The following VEGFC variants were observed in gnomAD, a reference collection of about 807,000 sequenced individuals.
The protein encoded by VEGFC is FLT4 ligand DHM.
VEGFC carries 12 observed loss-of-function variants against 46.1 expected under a neutral mutation model. The observed-to-expected ratio is 0.26, with a 90% CI of 0.17 to 0.42. The LOEUF is 0.42. Ranked by LOEUF, VEGFC falls within the 10% of genes least tolerant of loss-of-function variation. VEGFC has a pLI of 1.00. For missense variants in VEGFC, 488 were observed against 529.4 expected (o/e 0.92, Z 0.77); for synonymous variants, 232 against 195.5 (o/e 1.19, Z -1.56).
chr4:176,758,701 C>G (rs1735476692), intron 1 of VEGFC, among the ~76,000 whole-genome samples: 1 of 152,082 alleles, frequency 6.6e-6, no homozygotes, highest in South Asian at 2.1e-4. Flanking sequence ...AGTTTGTGTC[C>G]TGTATGCAAA....
At chr4:176,712,870 T>C (rs1734640806) in intron 3 of VEGFC, among the ~76,000 whole-genome samples, 1 of 152,242 alleles carries the variant, frequency 6.6e-6, no homozygotes, top group Non-Finnish European at 1.5e-5. Flanking sequence ...ATTTAAAATG[T>C]AACTACTTTC....
intron 1 of VEGFC, among the ~76,000 whole-genome samples, chr4:176,765,016 T>G (rs1409158247): frequency 6.6e-6 from 1 of 152,046 alleles, no homozygotes; most frequent in Admixed American, 6.6e-5. Flanking sequence ...AAGACCACCT[T>G]CAGCAACATA....
chr4:176,737,286 T>TATAA (rs3063169), intron 1 of VEGFC, among the ~76,000 whole-genome samples: 117,725 of 146,038 alleles, frequency 0.81, 49,682 homozygotes, highest in East Asian at 0.99. Flanking sequence ...GTTTATAATA[T>TATAA]ATATAGAATA....
intron 1 of VEGFC, among the ~76,000 whole-genome samples, chr4:176,766,686 G>C (rs962687624): frequency 3.9e-5 from 6 of 151,932 alleles, no homozygotes; most frequent in African/African-American, 4.8e-5. Context: ...TCGTAAAACA[G>C]AGTCCAGAAA....
intron 1 of VEGFC, among the ~76,000 whole-genome samples, chr4:176,771,715 T>C (rs1430927503): frequency 6.6e-6 from 1 of 152,196 alleles, no homozygotes; most frequent in East Asian, 1.9e-4. Context: ...GAGGAACCAC[T>C]GTTTTTCCTC....
chr4:176,777,558 T>C (rs1329299172), intron 1 of VEGFC, among the ~76,000 whole-genome samples: 1 of 152,162 alleles, frequency 6.6e-6, no homozygotes, highest in East Asian at 1.9e-4. Flanking sequence ...AAATACTGGC[T>C]TATAGGCAAT....
intron 1 of VEGFC, among the ~76,000 whole-genome samples, chr4:176,784,530 G>A (rs555744804): frequency 2.6e-5 from 4 of 151,766 alleles, no homozygotes; most frequent in South Asian, 2.1e-4. Context: ...GGCAGATCAC[G>A]AGGTCAGGAG....
In VEGFC at chr4:176,731,980, T is replaced by TA. The variant is rs1162682465; in HGVS notation, c.148-2235dup. ...ATTCACAATAGAGAAAATGCAATAT[T>TA]AAAAAATGAAAAAAGTAGAAAAGCT... is the stretch of plus-strand genomic sequence containing the variant. On this transcript the variant is annotated intron_variant, in intron 1 of 6. Coordinates refer to ENST00000618562, the MANE Select transcript of VEGFC (RefSeq NM_005429.5). Among the ~76,000 whole-genome samples the TA allele has an allele frequency of 3.3e-5, 5 of 151,732 alleles. No homozygotes were observed. The East Asian group carries it at 9.7e-4, about 29-fold the overall frequency.
chr4:176,699,488 A>G (rs1734386605), intron 4 of VEGFC, among the ~76,000 whole-genome samples: 1 of 152,244 alleles, frequency 6.6e-6, no homozygotes, highest in Non-Finnish European at 1.5e-5. Context: ...TATGAAGAAC[A>G]TAGATACAGA....
At chr4:176,748,491 C>T (rs552754586) in intron 1 of VEGFC, among the ~76,000 whole-genome samples, 3 of 149,970 alleles carry the variant, frequency 2.0e-5, no homozygotes, top group South Asian at 2.1e-4. Context: ...TCAAGTAGTA[C>T]GTATACAGCA....
At chr4:176,744,774 A>C (rs1161219015) in intron 1 of VEGFC, among the ~76,000 whole-genome samples, 2 of 152,086 alleles carry the variant, frequency 1.3e-5, no homozygotes, top group Non-Finnish European at 2.9e-5. Context: ...TAAATGAAGA[A>C]GCTGAGGCTT....
At chr4:176,771,433 CAT>C (rs796768430) in intron 1 of VEGFC, among the ~76,000 whole-genome samples, 7 of 152,160 alleles carry the variant, frequency 4.6e-5, no homozygotes, top group African/African-American at 1.7e-4. Context: ...TTGTTTAACA[CAT>C]ATATGATTAT....
rs1196253138 is a variant in VEGFC at position 176,740,098 on chromosome 4, AC to A, written c.148-10353del. ...ATATTATATATTCTATATATTCTAT[AC>A]ATATATTCTATATATATATTCTATA... On this transcript the variant is annotated intron_variant, in intron 1 of 6. Coordinates refer to ENST00000618562, the MANE Select transcript of VEGFC (RefSeq NM_005429.5). 2.9e-3 allele frequency among the ~76,000 whole-genome samples: 39 copies of A among 13,272 alleles called. 3 individuals carry two copies. The highest frequency in any genetic ancestry group is 3.4e-3 in the African/African-American group (39 of 11,566). 8.7% of individuals were successfully genotyped at this position (13,272 alleles called of 152,430 possible).
intron 3 of VEGFC, among the ~76,000 whole-genome samples, chr4:176,716,168 T>C (rs1057156482): frequency 6.6e-6 from 1 of 152,180 alleles, no homozygotes; most frequent in African/African-American, 2.4e-5. Flanking sequence ...TTAAAATCTT[T>C]CCTTGTTTAG....
At chr4:176,701,321 G>A (rs760456334) in intron 4 of VEGFC, among the ~76,000 whole-genome samples, 6 of 152,254 alleles carry the variant, frequency 3.9e-5, no homozygotes, top group Non-Finnish European at 8.8e-5. Context: ...AACAAAAATT[G>A]TCCATGTGTT....
chr4:176,704,653 C>T (rs1734494633), intron 4 of VEGFC, among the ~76,000 whole-genome samples: 2 of 152,120 alleles, frequency 1.3e-5, no homozygotes, highest in Admixed American at 6.6e-5. Flanking sequence ...TTTCCACCTC[C>T]CGTTTTGCTT....
intron 4 of VEGFC, among the ~76,000 whole-genome samples, chr4:176,703,731 A>G (rs1431397692): frequency 1.3e-5 from 2 of 152,154 alleles, no homozygotes; most frequent in African/African-American, 4.8e-5. Context: ...AATATCACAT[A>G]TACCCCATAA....
At chr4:176,685,572 A>AGAT (rs1734025148) in intron 6 of VEGFC, among the ~76,000 whole-genome samples, 1 of 152,070 alleles carries the variant, frequency 6.6e-6, no homozygotes, top group Non-Finnish European at 1.5e-5. Flanking sequence ...TTCTGTAGAA[A>AGAT]AGTAGGTATG....
rs1226432989 is a variant in VEGFC at position 176,792,189 on chromosome 4, C to T, written c.123G>A (p.Ala41=). Residue 41 remains alanine (A), a synonymous_variant, in exon 1 of 7, where the codon GCG becomes GCA. Transcript: ENST00000618562. The surrounding 1 kb of genome is among the most constrained non-coding windows in gnomAD (Gnocchi z 6.3). ...CCGTGGCCTCGCCCGCGTCGGGCTC[C>T]GCGTCCGAGAGGTCGAGTCCGGACT... is the stretch of plus-strand genomic sequence containing the variant. ...AFESGLDLSD[A]EPDAGEATAY... The T allele has an allele frequency of 3.9e-6, 6 of 1,529,048 alleles. No homozygotes were observed. The highest frequency in any genetic ancestry group is 2.6e-5 in the East Asian group (1 of 39,048). 94.7% of individuals were successfully genotyped at this position (1,529,048 alleles called of 1,614,324 possible). A position where few individuals can be genotyped will look rare whatever the true frequency, so the allele number is the denominator to read the frequency against.
Sources: allele counts gnomAD v4.1 joint callset (sites outside exome capture counted in the v4.1 genomes callset), GRCh38; gene constraint gnomAD v4.1.1; non-coding constraint Gnocchi (gnomAD v3.1); transcripts MANE v1.5; gene names NCBI Gene and HGNC (gene_info 2026-07-23, HGNC 2026-07-21).